The following HAVCR2 variants were observed in gnomAD, a reference collection of about 807,000 sequenced individuals.
HAVCR2 encodes T cell immunoglobulin mucin 3.
Under a neutral mutation model 24.7 loss-of-function variants are expected in HAVCR2, and 13 were observed. That is an observed-to-expected ratio of 0.53 (90% CI 0.34 to 0.84). HAVCR2 has a LOEUF of 0.84. Ranked by LOEUF, HAVCR2 falls within the 40% of genes least tolerant of loss-of-function variation. The pLI, the probability that HAVCR2 is intolerant of heterozygous loss-of-function variation, is 0.01. For missense variants in HAVCR2, 343 were observed against 371.2 expected (o/e 0.92, Z 0.62); for synonymous variants, 154 against 143.4 (o/e 1.07, Z -0.53).
rs113682702 is a variant in HAVCR2 at position 157,098,673 on chromosome 5, G to A, written c.522+185C>T. Among the ~76,000 whole-genome samples the A allele has an allele frequency of 8.5e-3, 1,291 of 152,104 alleles. 19 individuals are homozygous for A. Among genetic ancestry groups the A allele is most frequent in the African/African-American group, 0.029 (1,224 of 41,538 alleles). On this transcript the variant is annotated intron_variant, in intron 4 of 6. Transcript: ENST00000307851. The stretch of plus-strand genomic sequence containing the variant: ...CAGGCACTTTACACACATCATGTCA[G>A]TCCTTCATTACAGCAGGCCTATGAG...
intron 3 of HAVCR2, among the ~76,000 whole-genome samples, chr5:157,104,127 A>G (rs1275361486): frequency 6.6e-6 from 1 of 152,200 alleles, no homozygotes; most frequent in African/African-American, 2.4e-5. Flanking sequence ...TTCATGATCA[A>G]TGTGACTTGA....
chr5:157,108,928 G>T lies in HAVCR2; in HGVS notation c.56C>A (p.Thr19Lys), dbSNP rs1452632546. The change falls in exon 1 of 7, where the codon ACA (threonine) becomes AAA (lysine). Residue 19 changes from threonine (T) to lysine (K), a missense_variant and splice_region_variant. Thr to Lys is a moderately conservative substitution (Grantham distance 78). Coordinates refer to ENST00000307851, the MANE Select transcript of HAVCR2 (RefSeq NM_032782.5). ...CVLLLLLLLL[T>K]RSSEVEYRAE... Reference sequence around the variant, plus strand: ...TAAATATCCATGCCGAGACTTACTTGTAAGTAGTAGCAGCAGCAGCAGCAG... The same window carrying T: ...TAAATATCCATGCCGAGACTTACTTTTAAGTAGTAGCAGCAGCAGCAGCAG... 6.2e-7 allele frequency: 1 copy of T among 1,614,014 alleles called. No homozygotes were observed. The highest frequency in any genetic ancestry group is 8.5e-7 in the Non-Finnish European group (1 of 1,179,888).
chr5:157,098,973 C>A, intron 3 of HAVCR2, 72 bp from the exon 4 acceptor site: 1 of 1,419,946 alleles, frequency 7.0e-7, no homozygotes. Context: ...TTTCTTTTAT[C>A]TAAGTTTTTA....
chr5:157,092,433 TTTTTA>T lies in HAVCR2; in HGVS notation c.676+2868_676+2872del, dbSNP rs778661908. ...GCAACATAGCAAGATCTCATTTCTATTTTTATTTTATTTTATTTTATTTATTTTTT... is the reference window on the plus strand; with the variant it reads ...GCAACATAGCAAGATCTCATTTCTATTTTTATTTTATTTTATTTATTTTTT... On this transcript the variant is annotated intron_variant, in intron 5 of 6. Transcript: ENST00000307851. 4.6e-5 allele frequency among the ~76,000 whole-genome samples: 7 copies of T among 151,878 alleles called. No homozygotes were observed. The South Asian group carries it at 1.0e-3, about 23-fold the overall frequency.
At chr5:157,095,245 T>C (rs2113688156) in intron 5 of HAVCR2, 61 bp downstream of exon 5, 1 of 1,577,134 alleles carries the variant, frequency 6.3e-7, no homozygotes, top group South Asian at 1.1e-5. Context: ...TCTATCTAGG[T>C]TTTTACTGGT....
chr5:157,092,513 C>G (rs1404971252), intron 5 of HAVCR2, among the ~76,000 whole-genome samples: 1 of 151,986 alleles, frequency 6.6e-6, no homozygotes, highest in African/African-American at 2.4e-5. Context: ...ATGGCACGAT[C>G]TCAGCTCACT....
intron 2 of HAVCR2, 67 bp from the exon 3 acceptor site, chr5:157,104,816 AG>A: frequency 8.8e-7 from 1 of 1,131,302 alleles, no homozygotes; most frequent in South Asian, 1.4e-5. Flanking sequence ...AGGGAATCAA[AG>A]GGGCAGCAAG....
chr5:157,087,572 T>C (rs2113682779), intron 6 of HAVCR2, among the ~76,000 whole-genome samples: 1 of 152,144 alleles, frequency 6.6e-6, no homozygotes, highest in South Asian at 2.1e-4. Flanking sequence ...GAAGTTTAGG[T>C]GAAGTATCAA....
At chr5:157,104,045 GAA>G (rs5872499) in intron 3 of HAVCR2, among the ~76,000 whole-genome samples, 14 of 151,402 alleles carry the variant, frequency 9.2e-5, no homozygotes, top group East Asian at 1.9e-4. Flanking sequence ...TTTTACAGAA[GAA>G]AAAAAAAATG....
Position 157,087,312 on chromosome 5 carries a change from T to C in HAVCR2, c.714-18A>G, listed in dbSNP as rs952073649. ...AGATGAGGCTGTGGAAATAAAGTGT[T>C]GCGGTTGAGTTAAGCATTTCCCAGG... On this transcript the variant is annotated intron_variant, in intron 6 of 6. Coordinates refer to ENST00000307851, the MANE Select transcript of HAVCR2 (RefSeq NM_032782.5). 2 of 1,591,944 alleles carry C rather than the reference T, an allele frequency of 1.3e-6. No homozygotes were observed. The highest frequency in any genetic ancestry group is 1.7e-4 in the Middle Eastern group (1 of 5,970).
chr5:157,091,134 G>T (rs547281496), intron 5 of HAVCR2, among the ~76,000 whole-genome samples: 2 of 152,160 alleles, frequency 1.3e-5, no homozygotes, highest in Admixed American at 6.6e-5. Context: ...CAATTTAAAA[G>T]GTTGACTATA....
At chr5:157,102,803 C>T (rs150871049) in intron 3 of HAVCR2, among the ~76,000 whole-genome samples, 3,244 of 151,994 alleles carry the variant, frequency 0.021, 57 homozygotes, top group African/African-American at 0.048. Context: ...GGCGTGGTGG[C>T]GCGCGTCTGT....
At chr5:157,107,673 G>C (rs1267210422) in intron 1 of HAVCR2, among the ~76,000 whole-genome samples, 1 of 152,068 alleles carries the variant, frequency 6.6e-6, no homozygotes, top group African/African-American at 2.4e-5. Flanking sequence ...AGGATGAAAG[G>C]CTGCATACCT....
chr5:157,106,497 A>T, intron 2 of HAVCR2, 130 bp downstream of exon 2: 3 of 708,032 alleles, frequency 4.2e-6, no homozygotes, highest in Non-Finnish European at 7.1e-6. Flanking sequence ...GGGGCCTGTT[A>T]AACTTTAGGT....
rs1757160577 is a variant in HAVCR2, at chr5:157,101,093, T to C, written c.479-2192A>G. ...CCTGGTGACAGAGCAAGACTCCATA[T>C]CAAAAAAATAAAAAAAAGACCCTCA... On this transcript the variant is annotated intron_variant, in intron 3 of 6. Transcript: ENST00000307851. 2.0e-5 allele frequency among the ~76,000 whole-genome samples: 3 copies of C among 152,030 alleles called. No homozygotes were observed. The South Asian group carries it at 6.2e-4, about 32-fold the overall frequency.
Position 157,106,423 on chromosome 5 carries a change from C to G in HAVCR2, c.394+204G>C, listed in dbSNP as rs375797996. 8.7e-6 allele frequency: 5 copies of G among 576,846 alleles called. No homozygotes were observed. The African/African-American group carries it at 9.4e-5, about 11-fold the overall frequency. 35.7% of individuals were successfully genotyped at this position (576,846 alleles called of 1,614,324 possible). Reference sequence around the variant, plus strand: ...GGGATTAGAGGTGTGAGCCACCACGCCCAGGCACACCCATGAGTTTTAAAA... The same window carrying G: ...GGGATTAGAGGTGTGAGCCACCACGGCCAGGCACACCCATGAGTTTTAAAA... On this transcript the variant is annotated intron_variant, in intron 2 of 6. Coordinates refer to ENST00000307851, the MANE Select transcript of HAVCR2 (RefSeq NM_032782.5).
At chr5:157,099,892 C>T (rs1003677496) in intron 3 of HAVCR2, among the ~76,000 whole-genome samples, 5 of 152,054 alleles carry the variant, frequency 3.3e-5, no homozygotes, top group South Asian at 4.1e-4. Context: ...GACGGGGTTT[C>T]GCCATGTTGG....
intron 5 of HAVCR2, among the ~76,000 whole-genome samples, chr5:157,093,806 G>C (rs370002083): frequency 6.6e-6 from 1 of 152,024 alleles, no homozygotes; most frequent in African/African-American, 2.4e-5. Context: ...TTAGCCAGGC[G>C]TGGTGGTACA....
intron 6 of HAVCR2, 148 bp from the exon 7 acceptor site, chr5:157,087,442 TA>T (rs35226856): frequency 0.82 from 444,905 of 541,602 alleles, 184,772 homozygotes; most frequent in East Asian, 0.98. Context: ...AGCCAAGAAA[TA>T]GCAATAAAAT....
Sources: gnomAD v4.1 joint callset for allele counts (sites outside exome capture counted in the v4.1 genomes callset) on GRCh38, gnomAD v4.1.1 for gene constraint, MANE v1.5 for transcripts, NCBI Gene and HGNC (gene_info 2026-07-23, HGNC 2026-07-21) for gene names.